The following ITGA8 variants were observed in gnomAD, a reference collection of about 807,000 sequenced individuals.
ITGA8 encodes integrin subunit alpha 8.
Under a neutral mutation model 142.3 loss-of-function variants are expected in ITGA8, and 91 were observed. The ratio of observed to expected loss-of-function variants is 0.64; its 90% CI spans 0.54 to 0.76. The LOEUF is 0.76. ITGA8 is among the 30% of genes least tolerant of loss of function. ITGA8 has a pLI of 0.00. For synonymous variants in ITGA8, 505 were observed against 485.2 expected (o/e 1.04, Z -0.54); for missense variants, 1,406 against 1,327.7 (o/e 1.06, Z -0.92).
At chr10:15,621,402 T>C (rs1413165983) in intron 13 of ITGA8, among the ~76,000 whole-genome samples, 2 of 152,080 alleles carry the variant, frequency 1.3e-5, no homozygotes, top group Non-Finnish European at 2.9e-5. Flanking sequence ...ACCCTAAAAA[T>C]GTGAGGTCAT....
chr10:15,561,441 G>T (rs1012416768), intron 25 of ITGA8, among the ~76,000 whole-genome samples: 1 of 151,868 alleles, frequency 6.6e-6, no homozygotes, highest in African/African-American at 2.4e-5. Flanking sequence ...GTACAAAAAT[G>T]TAAAATTGTA....
chr10:15,606,312 G>A lies in ITGA8; in HGVS notation c.1875C>T (p.Tyr625=), dbSNP rs1486254258. The change falls in exon 18 of 30, where the codon TAC becomes TAT. Residue 625 remains tyrosine, a synonymous_variant. Coordinates refer to ENST00000378076, the MANE Select transcript of ITGA8 (RefSeq NM_003638.3). ...GTTCACTAACAATGTTTTCTCTGTA[G>A]TAGTTCAATATTGGTTTCACTTCCA... is the stretch of plus-strand genomic sequence containing the variant. ...EGLEVKPILN[Y]YRENIVSEQA... is the part of the protein sequence containing the mutation. 1 of 1,611,576 alleles carries A rather than the reference G, an allele frequency of 6.2e-7. No individual in the cohort carries two copies. Among genetic ancestry groups the A allele is most frequent in the East Asian group, 2.2e-5 (1 of 44,804 alleles).
chr10:15,693,022 G>C (rs1834963244), intron 2 of ITGA8, among the ~76,000 whole-genome samples: 1 of 152,126 alleles, frequency 6.6e-6, no homozygotes, highest in South Asian at 2.1e-4. Context: ...AGCTGAGATT[G>C]TGCCACTGCA....
At chr10:15,590,827 T>G (rs2131595575) in intron 22 of ITGA8, among the ~76,000 whole-genome samples, 1 of 152,298 alleles carries the variant, frequency 6.6e-6, no homozygotes, top group East Asian at 1.9e-4. Context: ...TTATCCAGAT[T>G]TTAAGAACCT....
intron 25 of ITGA8, 113 bp from the exon 26 acceptor site, chr10:15,558,315 G>C: frequency 8.1e-7 from 1 of 1,229,002 alleles, no homozygotes; most frequent in Non-Finnish European, 1.1e-6. Flanking sequence ...TGATTCACAT[G>C]AGGATCCAGA....
At chr10:15,569,874 G>A (rs188507212) in intron 25 of ITGA8, among the ~76,000 whole-genome samples, 86 of 152,248 alleles carry the variant, frequency 5.6e-4, no homozygotes, top group Admixed American at 4.9e-3. Context: ...AAAAGATGAC[G>A]TTTGCATTCT....
At chr10:15,699,414 G>C (rs983037167) in intron 2 of ITGA8, among the ~76,000 whole-genome samples, 2 of 152,186 alleles carry the variant, frequency 1.3e-5, no homozygotes, top group African/African-American at 2.4e-5. Context: ...TAGCTAGCTA[G>C]ATACATAGAT....
intron 20 of ITGA8, among the ~76,000 whole-genome samples, chr10:15,599,393 C>A (rs563404158): frequency 1.5e-4 from 23 of 152,162 alleles, no homozygotes; most frequent in Middle Eastern, 3.4e-3. Flanking sequence ...CCAGGCCTGA[C>A]AAATGAGACC....
intron 13 of ITGA8, among the ~76,000 whole-genome samples, chr10:15,637,714 A>G (rs1833797337): frequency 6.6e-6 from 1 of 151,676 alleles, no homozygotes; most frequent in Non-Finnish European, 1.5e-5. Flanking sequence ...AGGTTTGCAC[A>G]TTTCCTAGGT....
intron 2 of ITGA8, among the ~76,000 whole-genome samples, chr10:15,697,685 G>A (rs776566077): frequency 1.3e-5 from 2 of 152,100 alleles, no homozygotes; most frequent in Non-Finnish European, 2.9e-5. Flanking sequence ...ATTTCATATA[G>A]GAACATGGAA....
intron 8 of ITGA8, among the ~76,000 whole-genome samples, chr10:15,661,488 A>G (rs1233652294): frequency 6.6e-6 from 1 of 151,450 alleles, no homozygotes; most frequent in East Asian, 2.0e-4. Context: ...CAGATAATAG[A>G]AAACAGAAAA....
intron 26 of ITGA8, among the ~76,000 whole-genome samples, chr10:15,553,719 A>C (rs958026816): frequency 6.6e-6 from 1 of 152,144 alleles, no homozygotes. Flanking sequence ...AAAGTTATCC[A>C]GCTGGGCATG....
intron 5 of ITGA8, 34 bp from the exon 6 acceptor site, chr10:15,677,671 T>C (rs779889152): frequency 1.9e-6 from 3 of 1,594,096 alleles, no homozygotes; most frequent in Non-Finnish European, 8.6e-7. Flanking sequence ...CAACCATAAT[T>C]GGAAAAGAAA....
chr10:15,709,821 A>G (rs183518850), intron 2 of ITGA8, among the ~76,000 whole-genome samples: 72 of 152,328 alleles, frequency 4.7e-4, no homozygotes, highest in African/African-American at 1.7e-3. Context: ...AAAACAGGTG[A>G]GACTTACACT....
chr10:15,610,290 G>C (rs1445024242), intron 15 of ITGA8, among the ~76,000 whole-genome samples: 1 of 152,032 alleles, frequency 6.6e-6, no homozygotes, highest in Non-Finnish European at 1.5e-5. Context: ...GCTGAATTTA[G>C]GAAAACATAC....
rs1294132410 is a variant in ITGA8, at chr10:15,558,196, C to G, written c.2644G>C (p.Ala882Pro). ...NINPQDIKPAASPEDTPELSA... is the reference protein window; with the variant it reads ...NINPQDIKPAPSPEDTPELSA... ...AGCTCAGGGGTGTCCTCTGGGGAGG[C>G]AGCAGGCTGCAAAAAGAAAGTGGGA... Residue 882 changes from alanine (A) to proline (P), a missense_variant, in exon 26 of 30, where the codon GCC becomes CCC. By Grantham distance (27) the Ala-to-Pro change is conservative. Coordinates refer to ENST00000378076, the MANE Select transcript of ITGA8 (RefSeq NM_003638.3). The G allele has an allele frequency of 1.2e-6, 2 of 1,613,872 alleles. No individual in the cohort carries two copies. The highest frequency in any genetic ancestry group is 2.7e-5 in the African/African-American group (2 of 75,026).
In ITGA8 at chr10:15,667,950, A is replaced by G. The variant is rs1339950768; in HGVS notation, c.847+3653T>C. ...TGCTTTACTTCCAACTATGTGGTCA[A>G]TTTTGGAGTAGGTGTGGTGTGGTGC... On this transcript the variant is annotated intron_variant, in intron 8 of 29. Coordinates refer to ENST00000378076, the MANE Select transcript of ITGA8 (RefSeq NM_003638.3). 3.9e-5 allele frequency among the ~76,000 whole-genome samples: 6 copies of G among 152,256 alleles called. No homozygotes were observed. The East Asian group carries it at 5.8e-4, about 15-fold the overall frequency.
At chr10:15,553,161 G>A (rs1293204495) in intron 26 of ITGA8, among the ~76,000 whole-genome samples, 2 of 152,116 alleles carry the variant, frequency 1.3e-5, no homozygotes, top group African/African-American at 4.8e-5. Flanking sequence ...GGAGACTGAG[G>A]TGGGAGGATC....
At position 15,678,783 on chromosome 10, in the gene ITGA8, C is replaced by A. The variant is rs1367083098; in HGVS notation, c.569G>T (p.Ser190Ile). 7.5e-6 allele frequency: 12 copies of A among 1,592,588 alleles called. No individual in the cohort carries two copies. The Admixed American group carries it at 2.0e-4, about 27-fold the overall frequency. ...AYAEFSPCRN[S>I]NADPEGQGYC... ...ACCCTGGCCTTCCGGATCAGCATTGCCTAGAACGATCAAAATACATAAATG... is the reference window on the plus strand; with the variant it reads ...ACCCTGGCCTTCCGGATCAGCATTGACTAGAACGATCAAAATACATAAATG... Residue 190 changes from serine to isoleucine, a missense_variant and splice_region_variant, in exon 5 of 30, where the codon AGC (serine) becomes ATC (isoleucine). Transcript: ENST00000378076.
Sources: allele counts gnomAD v4.1 joint callset (sites outside exome capture counted in the v4.1 genomes callset), GRCh38; gene constraint gnomAD v4.1.1; transcripts MANE v1.5; gene names NCBI Gene and HGNC (gene_info 2026-07-23, HGNC 2026-07-21).